Variants in TBC1D22A observed in about 807,000 individuals in gnomAD.
TBC1D22A encodes the protein putative GTPase activator.
Under a neutral mutation model 60.2 loss-of-function variants are expected in TBC1D22A, and 38 were observed. The observed-to-expected ratio is 0.63, with a 90% CI of 0.49 to 0.83. The LOEUF (loss-of-function observed/expected upper bound fraction) is 0.83. TBC1D22A is among the 40% of genes least tolerant of loss of function. The pLI is 0.00. For synonymous variants in TBC1D22A, 302 were observed against 281.7 expected (o/e 1.07, Z -0.72); for missense variants, 628 against 701.0 (o/e 0.90, Z 1.18).
At chr22:46,894,548 T>C (rs2068570885) in intron 6 of TBC1D22A, among the ~76,000 whole-genome samples, 1 of 152,192 alleles carries the variant, frequency 6.6e-6, no homozygotes, top group African/African-American at 2.4e-5. Context: ...GGCTGCTGGA[T>C]AGGGACAGTG....
chr22:47,122,695 G>C (rs2066311398), intron 12 of TBC1D22A, among the ~76,000 whole-genome samples: 1 of 152,238 alleles, frequency 6.6e-6, no homozygotes, highest in Admixed American at 6.5e-5. Flanking sequence ...TTACAGAGTA[G>C]GAAAGACAAC....
chr22:46,957,381 A>G (rs908497839), intron 8 of TBC1D22A, among the ~76,000 whole-genome samples: 1 of 152,220 alleles, frequency 6.6e-6, no homozygotes, highest in East Asian at 1.9e-4. Flanking sequence ...GCCTTAGGAA[A>G]CTTACAATCA....
At chr22:47,011,331 C>T (rs748230763) in intron 10 of TBC1D22A, among the ~76,000 whole-genome samples, 14 of 152,268 alleles carry the variant, frequency 9.2e-5, no homozygotes, top group South Asian at 2.1e-4. Flanking sequence ...CCACTCCCCG[C>T]GCTTCCTCCT....
intron 12 of TBC1D22A, among the ~76,000 whole-genome samples, chr22:47,150,267 A>G (rs187849237): frequency 6.6e-6 from 1 of 152,236 alleles, no homozygotes; most frequent in African/African-American, 2.4e-5. Flanking sequence ...GCCAACCAGA[A>G]GTCAGATTTG....
At chr22:46,896,536 T>C (rs148493285) in intron 7 of TBC1D22A, among the ~76,000 whole-genome samples, 67 of 152,362 alleles carry the variant, frequency 4.4e-4, no homozygotes, top group African/African-American at 1.6e-3. Context: ...GGCAGGAGTC[T>C]GTTTAATTTC....
At chr22:46,789,716 G>C (rs1057133979) in intron 1 of TBC1D22A, among the ~76,000 whole-genome samples, 1 of 152,206 alleles carries the variant, frequency 6.6e-6, no homozygotes, top group East Asian at 1.9e-4. Flanking sequence ...CGTTAAAGAT[G>C]ATGTTCTCAA....
rs2061692705 is a variant in TBC1D22A, at chr22:47,009,560, GTCATCACCAGCATCA to G, written c.1201+11861_1201+11875del. ...TCATTGCCATCATCACCATCATTAC[GTCATCACCAGCATCA>G]TCATCACCATCACCATCATTCTGTC... is the stretch of plus-strand genomic sequence containing the variant. On this transcript the variant is annotated intron_variant, in intron 10 of 12. Transcript: ENST00000337137. The surrounding 1 kb of genome is among the most constrained non-coding windows in gnomAD (Gnocchi z 5.8). Among the ~76,000 whole-genome samples the G allele has an allele frequency of 6.8e-6, 1 of 147,636 alleles. No individual in the cohort carries two copies. Among genetic ancestry groups the G allele is most frequent in the Non-Finnish European group, 1.5e-5 (1 of 67,332 alleles).
At chr22:46,863,208 G>A (rs1158429011) in intron 4 of TBC1D22A, among the ~76,000 whole-genome samples, 1 of 152,198 alleles carries the variant, frequency 6.6e-6, no homozygotes, top group East Asian at 1.9e-4. Flanking sequence ...CCCATGACAA[G>A]CAGCCAGGAG....
chr22:46,898,334 G>A (rs9626919), intron 7 of TBC1D22A, among the ~76,000 whole-genome samples: 17,171 of 152,034 alleles, frequency 0.11, 1,608 homozygotes, highest in African/African-American at 0.26. Context: ...ATGAGACAAC[G>A]CTCAATCATT....
At position 47,027,184 on chromosome 22, in the gene TBC1D22A, C is replaced by T. The variant is rs1453529308; in HGVS notation, c.1202-9887C>T. On this transcript the variant is annotated intron_variant, in intron 10 of 12. Coordinates refer to ENST00000337137, the MANE Select transcript of TBC1D22A (RefSeq NM_014346.5). ...AGCATATATTTGTTATGCGTATAATCGTTACATATGTTGAGCAAATGAAGA... is the reference window on the plus strand; with the variant it reads ...AGCATATATTTGTTATGCGTATAATTGTTACATATGTTGAGCAAATGAAGA... Among the ~76,000 whole-genome samples the T allele has an allele frequency of 1.2e-4, 18 of 152,268 alleles. No homozygotes were observed. The South Asian group carries it at 2.3e-3, about 19-fold the overall frequency.
intron 12 of TBC1D22A, among the ~76,000 whole-genome samples, chr22:47,159,561 C>A (rs1175602865): frequency 6.7e-6 from 1 of 148,902 alleles, no homozygotes; most frequent in Non-Finnish European, 1.5e-5. Flanking sequence ...ACATTACACA[C>A]ACACTACACA....
At position 47,136,713 on chromosome 22, in the gene TBC1D22A, T is replaced by G. The variant is rs549542857; in HGVS notation, c.1425+25110T>G. ...TCAGCACTCACCCACCCTGAGCTTGTGCATGCCCCGTGGGACCAGGACTGC... is the reference window on the plus strand; with the variant it reads ...TCAGCACTCACCCACCCTGAGCTTGGGCATGCCCCGTGGGACCAGGACTGC... On this transcript the variant is annotated intron_variant, in intron 12 of 12. Coordinates refer to ENST00000337137, the MANE Select transcript of TBC1D22A (RefSeq NM_014346.5). 1.1e-4 allele frequency among the ~76,000 whole-genome samples: 16 copies of G among 152,296 alleles called. No homozygotes were observed. The South Asian group carries it at 2.9e-3, about 28-fold the overall frequency.
At chr22:47,004,269 T>C (rs906765213) in intron 10 of TBC1D22A, among the ~76,000 whole-genome samples, 11 of 147,612 alleles carry the variant, frequency 7.5e-5, no homozygotes. Context: ...CACACACTCC[T>C]ATACACACAC....
intron 9 of TBC1D22A, among the ~76,000 whole-genome samples, chr22:46,985,823 G>A (rs1405115654): frequency 1.3e-5 from 2 of 152,150 alleles, no homozygotes; most frequent in African/African-American, 4.8e-5. Context: ...CATTTATTCC[G>A]ATTCTGATAG....
At chr22:47,116,814 G>A (rs1205721594) in intron 12 of TBC1D22A, 2 of 152,526 alleles carry the variant, frequency 1.3e-5, no homozygotes, top group Non-Finnish European at 2.9e-5. Flanking sequence ...CAGTGCCTAG[G>A]TTGAGGGGCT....
At chr22:46,885,230 A>G (rs1439558531) in intron 5 of TBC1D22A, among the ~76,000 whole-genome samples, 1 of 152,134 alleles carries the variant, frequency 6.6e-6, no homozygotes, top group Non-Finnish European at 1.5e-5. Context: ...GGCTCTTAGC[A>G]TGCGGATTTG....
At chr22:46,941,697 T>TA (rs1569249140) in intron 8 of TBC1D22A, among the ~76,000 whole-genome samples, 1 of 65,088 alleles carries the variant, frequency 1.5e-5, no homozygotes, top group African/African-American at 8.6e-5. Context: ...TATACGCGGA[T>TA]TATATATGCG....
chr22:47,109,256 C>G (rs1603277083), intron 11 of TBC1D22A, among the ~76,000 whole-genome samples: 1 of 152,064 alleles, frequency 6.6e-6, no homozygotes, highest in Non-Finnish European at 1.5e-5. Flanking sequence ...TTGGCAGAAC[C>G]ATAAGGAGAA....
In TBC1D22A at chr22:46,951,080, C is replaced by A. The variant is rs117402222; in HGVS notation, c.1016-23210C>A. Among the ~76,000 whole-genome samples the A allele has an allele frequency of 1.6e-4, 25 of 152,308 alleles. 2 individuals carry two copies. The East Asian group carries it at 4.8e-3, about 29-fold the overall frequency. On this transcript the variant is annotated intron_variant, in intron 8 of 12. Coordinates refer to ENST00000337137, the MANE Select transcript of TBC1D22A (RefSeq NM_014346.5). ...TCCGGAGCTTTCAGCTGTCCCTGTA[C>A]GTGGCATTGGGCCTACCTAACCTTT...
Sources: gnomAD v4.1 joint callset for allele counts (sites outside exome capture counted in the v4.1 genomes callset) on GRCh38, gnomAD v4.1.1 for gene constraint, Gnocchi (gnomAD v3.1) non-coding constraint, MANE v1.5 for transcripts, NCBI Gene and HGNC (gene_info 2026-07-23, HGNC 2026-07-21) for gene names.